The following GABRR1 variants were observed in gnomAD, a reference collection of about 807,000 sequenced individuals.
GABRR1 encodes gamma-aminobutyric acid type A receptor subunit rho1.
Under a neutral mutation model 55.5 loss-of-function variants are expected in GABRR1, and 59 were observed. The ratio of observed to expected loss-of-function variants is 1.06; its 90% confidence interval spans 0.86 to 1.32. The LOEUF (loss-of-function observed/expected upper bound fraction) is 1.32, where lower values mean the gene tolerates loss of function less well. GABRR1 is among the 40% of genes most tolerant of loss of function. The pLI is 0.00. For synonymous variants in GABRR1, 213 were observed against 226.0 expected (o/e 0.94, Z 0.51); for missense variants, 602 against 619.1 (o/e 0.97, Z 0.29).
intron 7 of GABRR1, among the ~76,000 whole-genome samples, chr6:89,182,868 CCT>C (rs1252841964): frequency 6.6e-6 from 1 of 151,408 alleles, no homozygotes; most frequent in Non-Finnish European, 1.5e-5. Flanking sequence ...AGAATGAGAC[CCT>C]GTCTCTATTA....
rs1180324018 is a variant in GABRR1 at position 89,178,868 on chromosome 6, T to G, written c.1342A>C (p.Met448Leu). 6.2e-7 allele frequency: 1 copy of G among 1,614,206 alleles called. No homozygotes were observed. The highest frequency in any genetic ancestry group is 8.5e-7 in the Non-Finnish European group (1 of 1,180,036). Residue 448 changes from methionine to leucine, a missense_variant, in exon 10 of 10, where the codon ATG (methionine) becomes CTG (leucine). By Grantham distance (15) the Met-to-Leu change is conservative. Transcript: ENST00000454853. The stretch of plus-strand genomic sequence containing the variant: ...TCAATGGCGTGGGTGTCGATTCTCA[T>G]GCTCACATAGCTGCTTCTCTGACTT... Reference protein sequence around the residue: ...RKSQRSSYVSMRIDTHAIDKY... With the variant: ...RKSQRSSYVSLRIDTHAIDKY...
chr6:89,178,860 G>C lies in GABRR1; in HGVS notation c.1350C>G (p.Ile450Met). Reference sequence around the variant, plus strand: ...AGTATTTATCAATGGCGTGGGTGTCGATTCTCATGCTCACATAGCTGCTTC... The same window carrying C: ...AGTATTTATCAATGGCGTGGGTGTCCATTCTCATGCTCACATAGCTGCTTC... ...SQRSSYVSMR[I>M]DTHAIDKYSR... is the part of the protein sequence containing the mutation. Residue 450 changes from isoleucine to methionine, a missense_variant, in exon 10 of 10, where the codon ATC becomes ATG. Ile to Met is a conservative substitution (Grantham distance 10). Transcript: ENST00000454853. 7 of 1,614,134 alleles carry C rather than the reference G, an allele frequency of 4.3e-6. No individual in the cohort carries two copies. Among genetic ancestry groups the C allele is most frequent in the Non-Finnish European group, 5.9e-6 (7 of 1,180,000 alleles).
intron 5 of GABRR1, among the ~76,000 whole-genome samples, chr6:89,191,736 T>C (rs986981432): frequency 6.6e-5 from 10 of 152,252 alleles, no homozygotes; most frequent in Admixed American, 1.3e-4. Flanking sequence ...CCCGTGGCTC[T>C]TCTGCTCACT....
intron 1 of GABRR1, among the ~76,000 whole-genome samples, chr6:89,225,166 G>A (rs1168675745): frequency 6.6e-6 from 1 of 151,822 alleles, no homozygotes; most frequent in Non-Finnish European, 1.5e-5. Flanking sequence ...TGAGTGATGA[G>A]AATCCAGTTT....
intron 1 of GABRR1, among the ~76,000 whole-genome samples, chr6:89,229,006 C>T (rs1165248914): frequency 2.6e-4 from 39 of 151,144 alleles, no homozygotes; most frequent in Non-Finnish European, 5.3e-4. Flanking sequence ...GATCCCTTTA[C>T]CATTATGTAA....
At chr6:89,226,243 T>G (rs1436381616) in intron 1 of GABRR1, among the ~76,000 whole-genome samples, 1 of 143,584 alleles carries the variant, frequency 7.0e-6, no homozygotes, top group African/African-American at 2.7e-5. Context: ...GTAGTTTCTT[T>G]TGCTGTGCAG....
intron 1 of GABRR1, among the ~76,000 whole-genome samples, chr6:89,210,846 T>C (rs1007926892): frequency 6.6e-6 from 1 of 152,100 alleles, no homozygotes; most frequent in Non-Finnish European, 1.5e-5. Flanking sequence ...TGCTGAGTGA[T>C]TAGTCCTTGG....
chr6:89,190,979 G>A (rs1024047185), intron 5 of GABRR1, among the ~76,000 whole-genome samples: 6 of 152,186 alleles, frequency 3.9e-5, no homozygotes, highest in African/African-American at 1.4e-4. Context: ...AGCAGGACAC[G>A]ATTAACATTT....
upstream of GABRR1, chr6:89,217,436 CAAA>C (rs34012805): frequency 1.4e-3 from 1,608 of 1,128,478 alleles, 6 homozygotes; most frequent in Non-Finnish European, 1.8e-3. Flanking sequence ...TTTACTCATG[CAAA>C]AAAAAAATCA....
At chr6:89,189,662 TAA>T (rs77942487) in intron 6 of GABRR1, among the ~76,000 whole-genome samples, 2 of 142,366 alleles carry the variant, frequency 1.4e-5, no homozygotes, top group African/African-American at 5.1e-5. Context: ...AAAGTATAAT[TAA>T]AAAAAAAAAA....
At chr6:89,182,797 A>G (rs1412524892) in intron 7 of GABRR1, among the ~76,000 whole-genome samples, 1 of 152,080 alleles carries the variant, frequency 6.6e-6, no homozygotes, top group Non-Finnish European at 1.5e-5. Flanking sequence ...GGATTGCTTG[A>G]GCTCAGGAGT....
At chr6:89,212,449 AGACCATTC>A (rs142254457) in intron 1 of GABRR1, among the ~76,000 whole-genome samples, 1 of 34,618 alleles carries the variant, frequency 2.9e-5, no homozygotes, top group South Asian at 1.1e-3. Flanking sequence ...AAATCTGCTG[AGACCATTC>A]AGCTCCTCTT....
intron 7 of GABRR1, among the ~76,000 whole-genome samples, chr6:89,183,299 C>A (rs1430577707): frequency 6.6e-6 from 1 of 152,140 alleles, no homozygotes; most frequent in Non-Finnish European, 1.5e-5. Context: ...TGGTTACCAG[C>A]AAGCTACTGC....
intron 5 of GABRR1, among the ~76,000 whole-genome samples, chr6:89,194,364 T>A (rs1378460043): frequency 1.3e-5 from 2 of 152,166 alleles, no homozygotes; most frequent in Admixed American, 6.5e-5. Flanking sequence ...AGGTGCCACC[T>A]GGAGCTGAAA....
upstream of GABRR1, among the ~76,000 whole-genome samples, chr6:89,220,145 T>C (rs1773092776): frequency 1.3e-5 from 2 of 152,198 alleles, no homozygotes; most frequent in Non-Finnish European, 2.9e-5. Flanking sequence ...GGACATTAAA[T>C]GGCTCCTAAT....
chr6:89,222,231 T>C (rs1042666704), upstream of GABRR1, among the ~76,000 whole-genome samples: 6 of 152,228 alleles, frequency 3.9e-5, no homozygotes, highest in Non-Finnish European at 5.9e-5. Flanking sequence ...AGTCATCTTA[T>C]ACCTGGATAA....
At chr6:89,226,324 C>T (rs570510002) in intron 1 of GABRR1, among the ~76,000 whole-genome samples, 1,829 of 144,024 alleles carry the variant, frequency 0.013, 52 homozygotes, top group African/African-American at 0.046. Context: ...GTGTTTTGGA[C>T]ATGAAGTCCT....
chr6:89,181,884 T>C, intron 8 of GABRR1, 21 bp downstream of exon 8: 1 of 1,586,270 alleles, frequency 6.3e-7, no homozygotes, highest in African/African-American at 1.4e-5. Context: ...GCTTGGAATA[T>C]GCACTTGAGG....
intron 3 of GABRR1, among the ~76,000 whole-genome samples, chr6:89,200,241 C>CT (rs10603486): frequency 0.033 from 2,881 of 86,302 alleles, 2 homozygotes; most frequent in African/African-American, 0.043. Context: ...TTCTTTTTCC[C>CT]TTTTTTTTTT....
Sources: allele counts gnomAD v4.1 joint callset (sites outside exome capture counted in the v4.1 genomes callset), GRCh38; gene constraint gnomAD v4.1.1; transcripts MANE v1.5; gene names NCBI Gene and HGNC (gene_info 2026-07-23, HGNC 2026-07-21).